STARD9: variants seen among roughly 807,000 people sequenced by gnomAD.
STARD9 encodes the protein stAR-related lipid transfer protein 9.
STARD9 carries 346 observed loss-of-function variants against 399.8 expected under a neutral mutation model. That is an observed-to-expected ratio of 0.87 (90% CI 0.79 to 0.95). The LOEUF is 0.95. Ranked by LOEUF, STARD9 falls within the 40% of genes least tolerant of loss-of-function variation. The pLI is 0.00. For synonymous variants in STARD9, 2,203 were observed against 2,143.5 expected (o/e 1.03, Z -0.77); for missense variants, 5,832 against 5,667.5 (o/e 1.03, Z -0.93).
chr15:42,582,178 G>A (rs1165649889), intron 1 of STARD9, among the ~76,000 whole-genome samples: 1 of 152,154 alleles, frequency 6.6e-6, no homozygotes, highest in Non-Finnish European at 1.5e-5. Context: ...AAAGACCCCT[G>A]TCTCACTGTG....
intron 3 of STARD9, among the ~76,000 whole-genome samples, chr15:42,607,148 A>G (rs941905115): frequency 5.3e-4 from 65 of 122,746 alleles, no homozygotes; most frequent in Non-Finnish European, 9.9e-4. Context: ...CCCTGTAACC[A>G]TTGTGCTCTT....
intron 16 of STARD9, chr15:42,672,123 G>T (rs1208533936): frequency 6.6e-6 from 1 of 152,236 alleles, no homozygotes; most frequent in African/African-American, 2.4e-5. Flanking sequence ...AGTACTAACA[G>T]TAATGGCCCA....
Position 42,626,362 on chromosome 15 carries a change from CCTCT to C in STARD9, c.235-8493_235-8490del, listed in dbSNP as rs1566884832. 2.2e-4 allele frequency among the ~76,000 whole-genome samples: 33 copies of C among 150,764 alleles called. No individual in the cohort carries two copies. In the South Asian group the frequency reaches 6.8e-3, roughly 31 times the overall value. On this transcript the variant is annotated intron_variant, in intron 3 of 32. Coordinates refer to ENST00000290607, the MANE Select transcript of STARD9 (RefSeq NM_020759.3). ...TCTTCCTCTTCCTCTTCTTCCTCTT[CCTCT>C]TCTTCCTCCTCTTCCTCCTCTTCCT...
At chr15:42,662,354 A>G (rs918271859) in intron 10 of STARD9, among the ~76,000 whole-genome samples, 4 of 152,226 alleles carry the variant, frequency 2.6e-5, no homozygotes, top group Admixed American at 2.6e-4. Flanking sequence ...GAAAGGAACT[A>G]TTATCAGCCA....
At chr15:42,715,930 G>A (rs556211453) in intron 26 of STARD9, among the ~76,000 whole-genome samples, 1 of 152,332 alleles carries the variant, frequency 6.6e-6, no homozygotes, top group Admixed American at 6.5e-5. Context: ...TGACAGGGCA[G>A]CGTGAGAGCT....
chr15:42,688,268 A>T lies in STARD9; in HGVS notation c.6690A>T (p.Ser2230=). The T allele has an allele frequency of 6.5e-7, 1 of 1,537,638 alleles. No individual in the cohort carries two copies. The highest frequency in any genetic ancestry group is 8.7e-7 in the Non-Finnish European group (1 of 1,147,024). ...ATAATGGCCAGTTTGTAAAAGCATCAGCAAGTCTCAAAGGGCAGCCTTGGG... is the reference window on the plus strand; with the variant it reads ...ATAATGGCCAGTTTGTAAAAGCATCTGCAAGTCTCAAAGGGCAGCCTTGGG... ...SKNNGQFVKA[S]ASLKGQPWGL... Residue 2230 remains serine, a synonymous_variant, in exon 23 of 33, where the codon TCA becomes TCT. Transcript: ENST00000290607.
chr15:42,659,599 T>G (rs978696613), intron 9 of STARD9, among the ~76,000 whole-genome samples: 1 of 152,228 alleles, frequency 6.6e-6, no homozygotes, highest in Admixed American at 6.5e-5. Flanking sequence ...CGATCTTGGC[T>G]CACTGCAGCC....
intron 31 of STARD9, 30 bp downstream of exon 31, chr15:42,718,544 G>T (rs961726995): frequency 6.5e-7 from 1 of 1,529,200 alleles, no homozygotes; most frequent in African/African-American, 1.4e-5. Flanking sequence ...AGATGTTGTG[G>T]GAAGAACTTG....
chr15:42,640,818 C>CAAAAAAAAAAAAAAAAAAAA (rs34006967), intron 7 of STARD9, among the ~76,000 whole-genome samples: 1 of 83,620 alleles, frequency 1.2e-5, no homozygotes. Flanking sequence ...GACTCCGTCT[C>CAAAAAAAAAAAAAAAAAAAA]AAAAAAAAAA....
intron 26 of STARD9, 36 bp from the exon 27 acceptor site, chr15:42,716,641 C>T (rs1186644792): frequency 3.0e-6 from 4 of 1,352,112 alleles, no homozygotes. Flanking sequence ...CTGTGCTTGC[C>T]TTCTGGCTCT....
chr15:42,685,913 C>T lies in STARD9; in HGVS notation c.4335C>T (p.Ile1445=). ...GADGTFQGRC[I]PDMTQQGSSE... ...ATGGCACCTTTCAGGGCAGATGTAT[C>T]CCTGACATGACCCAGCAGGGCAGCT... is the stretch of plus-strand genomic sequence containing the variant. The change falls in exon 23 of 33, where the codon ATC becomes ATT. Residue 1445 remains isoleucine (I), a synonymous_variant. Coordinates refer to ENST00000290607, the MANE Select transcript of STARD9 (RefSeq NM_020759.3). 1 of 1,537,194 alleles carries T rather than the reference C, an allele frequency of 6.5e-7. No homozygotes were observed. Among genetic ancestry groups the T allele is most frequent in the Non-Finnish European group, 8.7e-7 (1 of 1,146,930 alleles).
intron 5 of STARD9, 22 bp from the exon 6 acceptor site, chr15:42,638,004 C>G: frequency 6.5e-7 from 1 of 1,537,252 alleles, no homozygotes; most frequent in East Asian, 2.4e-5. Context: ...ACAATGAAAC[C>G]CCAACCCTCT....
intron 3 of STARD9, among the ~76,000 whole-genome samples, chr15:42,607,641 C>T (rs1158076458): frequency 1.5e-5 from 2 of 133,110 alleles, no homozygotes; most frequent in Non-Finnish European, 3.1e-5. Context: ...ATTATACACA[C>T]ACACACTTAT....
intron 9 of STARD9, among the ~76,000 whole-genome samples, chr15:42,657,073 A>C (rs2059889916): frequency 6.6e-6 from 1 of 152,112 alleles, no homozygotes; most frequent in South Asian, 2.1e-4. Context: ...AATAGGTTTT[A>C]AGGCTGGGCG....
chr15:42,589,794 A>T (rs2058358593), intron 3 of STARD9, among the ~76,000 whole-genome samples: 1 of 150,590 alleles, frequency 6.6e-6, no homozygotes, highest in African/African-American at 2.4e-5. Flanking sequence ...TTTAGTAGAG[A>T]CGGGGTTTCA....
At position 42,718,350 on chromosome 15, in the gene STARD9, T is replaced by TGGGG. The variant is rs2061389487; in HGVS notation, c.13763-82_13763-79dup. ...AGCTAGGTGTCAAGTGATGGGGTGTTGGGGGGAGGGCTCCCTGACCAGGAA... is the reference window on the plus strand; with the variant it reads ...AGCTAGGTGTCAAGTGATGGGGTGTTGGGGGGGGGGAGGGCTCCCTGACCAGGAA... On this transcript the variant is annotated intron_variant, in intron 30 of 32. Coordinates refer to ENST00000290607, the MANE Select transcript of STARD9 (RefSeq NM_020759.3). 8 of 1,287,360 alleles carry TGGGG rather than the reference T, an allele frequency of 6.2e-6. No individual in the cohort carries two copies. In the South Asian group the frequency reaches 7.7e-5, roughly 12 times the overall value. 79.7% of individuals were successfully genotyped at this position (1,287,360 alleles called of 1,614,324 possible).
At chr15:42,603,059 A>G (rs984112566) in intron 3 of STARD9, among the ~76,000 whole-genome samples, 2 of 152,124 alleles carry the variant, frequency 1.3e-5, no homozygotes, top group Admixed American at 6.5e-5. Flanking sequence ...GGCCTCATAT[A>G]TTCTTTTCCA....
chr15:42,691,860 G>A lies in STARD9; in HGVS notation c.10282G>A (p.Gly3428Ser). ...TPDFTTSWMS[G>S]TLEQAQQGKR... Reference sequence around the variant, plus strand: ...TGATTTCACGACCAGCTGGATGTCTGGTACTTTGGAACAAGCCCAACAGGG... The same window carrying A: ...TGATTTCACGACCAGCTGGATGTCTAGTACTTTGGAACAAGCCCAACAGGG... The change falls in exon 23 of 33, where the codon GGT becomes AGT. Residue 3428 changes from glycine to serine, a missense_variant. Coordinates refer to ENST00000290607, the MANE Select transcript of STARD9 (RefSeq NM_020759.3). 2 of 1,537,242 alleles carry A rather than the reference G, an allele frequency of 1.3e-6. No homozygotes were observed. Among genetic ancestry groups the A allele is most frequent in the East Asian group, 4.9e-5 (2 of 40,924 alleles).
In STARD9 at chr15:42,694,006, G is replaced by A; in HGVS notation, c.12428G>A (p.Ser4143Asn). The A allele has an allele frequency of 6.6e-7, 1 of 1,519,844 alleles. No individual in the cohort carries two copies. The highest frequency in any genetic ancestry group is 8.8e-7 in the Non-Finnish European group (1 of 1,137,596). The allele number at this position is 1,519,844 out of a possible 1,614,324, so 94.1% of individuals were successfully genotyped here. Residue 4143 changes from serine (S) to asparagine (N), a missense_variant, in exon 23 of 33, where the codon AGT becomes AAT. Ser to Asn is a conservative substitution (Grantham distance 46, BLOSUM62 1). This residue lies in a region of STARD9 where 5,828 missense variants were observed against 5,651.1 expected (regional missense o/e 1.03). Coordinates refer to ENST00000290607, the MANE Select transcript of STARD9 (RefSeq NM_020759.3). ...LRDLPVHNKFSNWCGVQKGSP... is the reference protein window; with the variant it reads ...LRDLPVHNKFNNWCGVQKGSP... Reference sequence around the variant, plus strand: ...GACCTCCCGGTGCATAACAAATTTAGTAACTGGTGTGGGGTTCAGAAGGGC... The same window carrying A: ...GACCTCCCGGTGCATAACAAATTTAATAACTGGTGTGGGGTTCAGAAGGGC...
Sources: allele counts gnomAD v4.1 joint callset (sites outside exome capture counted in the v4.1 genomes callset), GRCh38; gene constraint gnomAD v4.1.1; regional missense constraint gnomAD v4.1.1; transcripts MANE v1.5; gene names NCBI Gene and HGNC (gene_info 2026-07-23, HGNC 2026-07-21).